Variants in PPA2 observed in about 807,000 individuals in gnomAD.
The protein encoded by PPA2 is inorganic pyrophosphatase 2, mitochondrial.
A neutral mutation model predicts 49.5 loss-of-function variants in PPA2; 48 were observed. The observed-to-expected ratio is 0.97, with a 90% CI of 0.77 to 1.23. PPA2 has a LOEUF of 1.23. Ranked by LOEUF, PPA2 falls within the 50% of genes most tolerant of loss-of-function variation. PPA2 has a pLI of 0.00. For missense variants in PPA2, 429 were observed against 410.1 expected (o/e 1.05, Z -0.40); for synonymous variants, 131 against 139.9 (o/e 0.94, Z 0.45).
At chr4:105,407,348 G>T (rs934996552) in intron 7 of PPA2, among the ~76,000 whole-genome samples, 4 of 152,112 alleles carry the variant, frequency 2.6e-5, no homozygotes, top group African/African-American at 7.2e-5. Context: ...AAAGTATAAA[G>T]AATGAATACA....
At position 105,369,675 on chromosome 4, in the gene PPA2, T is replaced by TGG. The variant is rs763587548; in HGVS notation, c.*48_*49dup. 18 of 1,529,708 alleles carry TGG rather than the reference T, an allele frequency of 1.2e-5. No homozygotes were observed. The African/African-American group carries it at 2.5e-4, about 21-fold the overall frequency. 94.8% of individuals were successfully genotyped at this position (1,529,708 alleles called of 1,614,324 possible). ...CATAGACCCCCTTGTCTCTAGCACT[T>TGG]GGAGTCCTTAGAGATGGGAATCTTG... is the stretch of plus-strand genomic sequence containing the variant. On this transcript the variant is annotated 3_prime_UTR_variant, in exon 12 of 12. Transcript: ENST00000341695.
At chr4:105,452,952 G>A (rs17035612) in intron 3 of PPA2, among the ~76,000 whole-genome samples, 13,854 of 151,690 alleles carry the variant, frequency 0.091, 1,299 homozygotes, top group African/African-American at 0.24. Context: ...TTTAGCATAC[G>A]GTTGGTATAA....
chr4:105,388,852 A>T (rs1198604304), intron 9 of PPA2, among the ~76,000 whole-genome samples: 1 of 148,530 alleles, frequency 6.7e-6, no homozygotes, highest in East Asian at 2.0e-4. Flanking sequence ...AAAAAAAATT[A>T]GCTGTTTTAA....
chr4:105,377,634 T>C (rs1358587887), intron 10 of PPA2, among the ~76,000 whole-genome samples: 1 of 152,132 alleles, frequency 6.6e-6, no homozygotes, highest in Non-Finnish European at 1.5e-5. Context: ...AAGCCATCAA[T>C]ATAATCAAGA....
At chr4:105,387,455 G>GGATTATT (rs1162893579) in intron 9 of PPA2, among the ~76,000 whole-genome samples, 3 of 152,106 alleles carry the variant, frequency 2.0e-5, no homozygotes, top group South Asian at 2.1e-4. Context: ...CCCTCAAGTG[G>GGATTATT]ACCTAAGGAT....
chr4:105,453,578 A>C lies in PPA2; in HGVS notation c.267+20T>G, dbSNP rs1414326693. 5 of 1,557,612 alleles carry C rather than the reference A, an allele frequency of 3.2e-6. No individual in the cohort carries two copies. The highest frequency in any genetic ancestry group is 3.4e-4 in the Middle Eastern group (2 of 5,908). ...GACAATATAAAAGTGATTCACAAAA[A>C]TAAAAACCTTTGGATATACCTCATA... On this transcript the variant is annotated intron_variant, in intron 3 of 11. Coordinates refer to ENST00000341695, the MANE Select transcript of PPA2 (RefSeq NM_176869.3).
At chr4:105,450,938 T>C (rs1722653108) in intron 3 of PPA2, among the ~76,000 whole-genome samples, 1 of 151,840 alleles carries the variant, frequency 6.6e-6, no homozygotes, top group Non-Finnish European at 1.5e-5. Flanking sequence ...GTTGATTGCA[T>C]TTTTTTTAAG....
At chr4:105,456,126 A>G (rs942810900) in intron 2 of PPA2, 1 of 396,976 alleles carries the variant, frequency 2.5e-6, no homozygotes, top group African/African-American at 2.1e-5. Context: ...CTAAGAGAAC[A>G]GCTATTCAAA....
chr4:105,387,541 A>C (rs1430239167), intron 9 of PPA2, among the ~76,000 whole-genome samples: 2 of 152,178 alleles, frequency 1.3e-5, no homozygotes, highest in Non-Finnish European at 1.5e-5. Context: ...ATCTGTCTAT[A>C]TCTGTTTGTA....
At chr4:105,432,180 C>G (rs1239051081) in intron 6 of PPA2, among the ~76,000 whole-genome samples, 2 of 152,190 alleles carry the variant, frequency 1.3e-5, no homozygotes, top group East Asian at 3.8e-4. Context: ...AATAAAACAG[C>G]TCCTATCCCT....
intron 2 of PPA2, among the ~76,000 whole-genome samples, chr4:105,455,555 A>G (rs1722843405): frequency 6.6e-6 from 1 of 152,214 alleles, no homozygotes; most frequent in Non-Finnish European, 1.5e-5. Flanking sequence ...AGGGTACTAA[A>G]TGTAAAGCCA....
chr4:105,416,075 G>A (rs370432380), intron 7 of PPA2, among the ~76,000 whole-genome samples: 32 of 152,264 alleles, frequency 2.1e-4, no homozygotes, highest in East Asian at 1.4e-3. Context: ...TTAATTAATG[G>A]AATGGTTCTC....
chr4:105,384,221 G>C (rs1733599863), intron 10 of PPA2, among the ~76,000 whole-genome samples: 1 of 152,160 alleles, frequency 6.6e-6, no homozygotes, highest in South Asian at 2.1e-4. Context: ...CTAGTGAAGA[G>C]GCACTGGTTT....
chr4:105,378,569 T>C (rs917578528), intron 10 of PPA2, among the ~76,000 whole-genome samples: 1 of 152,100 alleles, frequency 6.6e-6, no homozygotes, highest in Non-Finnish European at 1.5e-5. Context: ...ATGCCTTTTG[T>C]AGAACAAAAA....
At chr4:105,457,051 A>G (rs180924062) in intron 1 of PPA2, among the ~76,000 whole-genome samples, 73 of 152,316 alleles carry the variant, frequency 4.8e-4, no homozygotes, top group African/African-American at 1.7e-3. Flanking sequence ...TTAAAAAAAA[A>G]AACATCACTT....
intron 3 of PPA2, 141 bp from the exon 4 acceptor site, chr4:105,449,544 T>A: frequency 2.0e-6 from 1 of 504,232 alleles, no homozygotes; most frequent in Non-Finnish European, 3.5e-6. Context: ...TACCTATGCC[T>A]TAAATTTTTT....
intron 6 of PPA2, 57 bp downstream of exon 6, chr4:105,437,893 T>C (rs1724137841): frequency 7.3e-7 from 1 of 1,370,564 alleles, no homozygotes; most frequent in Non-Finnish European, 1.0e-6. Context: ...AAATGAAATT[T>C]TATGGCATGA....
chr4:105,431,091 G>A (rs1011359563), intron 6 of PPA2, among the ~76,000 whole-genome samples: 9 of 152,166 alleles, frequency 5.9e-5, no homozygotes, highest in African/African-American at 2.2e-4. Flanking sequence ...AGGGTTGGGA[G>A]TGTCAAAGGA....
In PPA2 at chr4:105,383,996, T is replaced by C. The variant is rs1474208983; in HGVS notation, c.939+2571A>G. The stretch of plus-strand genomic sequence containing the variant: ...GAAATATACACCTAAATAATTCTGA[T>C]TCAAATACTTCAATGTGATTCTGAA... On this transcript the variant is annotated intron_variant, in intron 10 of 11. Transcript: ENST00000341695. 2.6e-5 allele frequency among the ~76,000 whole-genome samples: 4 copies of C among 152,144 alleles called. No individual in the cohort carries two copies. In the East Asian group the frequency reaches 7.7e-4, roughly 29 times the overall value.
Sources: gnomAD v4.1 joint callset for allele counts (sites outside exome capture counted in the v4.1 genomes callset) on GRCh38, gnomAD v4.1.1 for gene constraint, MANE v1.5 for transcripts, NCBI Gene and HGNC (gene_info 2026-07-23, HGNC 2026-07-21) for gene names.